DYRK3: variants seen among roughly 807,000 people sequenced by gnomAD.
DYRK3 encodes dual specificity tyrosine-phosphorylation-regulated kinase 3.
A neutral mutation model predicts 40.8 loss-of-function variants in DYRK3; 30 were observed. The observed-to-expected ratio is 0.74, with a 90% CI of 0.55 to 1.00. DYRK3 has a LOEUF of 1.00. Among genes scored for constraint, DYRK3 ranks in the 50% least tolerant of loss-of-function variants. The pLI is 0.00. For synonymous variants in DYRK3, 272 were observed against 260.7 expected (o/e 1.04, Z -0.42); for missense variants, 699 against 731.5 (o/e 0.96, Z 0.51).
In DYRK3 at chr1:206,635,660, C is replaced by A. The variant is rs1553418144; in HGVS notation, c.-44C>A. On this transcript the variant is annotated 5_prime_UTR_variant, in exon 1 of 3. Transcript: ENST00000367109. ...GGCGTAGGTGGCGTGGCCGACCGGA[C>A]CCCCAACTGGCGCCTCTCCCCGCGC... is the stretch of plus-strand genomic sequence containing the variant. 6.4e-6 allele frequency: 8 copies of A among 1,244,774 alleles called. No homozygotes were observed. The South Asian group carries it at 2.0e-4, about 31-fold the overall frequency. 77.1% of individuals were successfully genotyped at this position (1,244,774 alleles called of 1,614,324 possible). A position where few individuals can be genotyped will look rare whatever the true frequency, so the allele number is the denominator to read the frequency against.
Position 206,654,046 on chromosome 1 carries a change from A to G in DYRK3, c.*5081A>G, listed in dbSNP as rs1216554071. Among the ~76,000 whole-genome samples, 1 of 152,280 alleles carries G rather than the reference A, an allele frequency of 6.6e-6. No homozygotes were observed. Among genetic ancestry groups the G allele is most frequent in the Non-Finnish European group, 1.5e-5 (1 of 68,054 alleles). ...TGTTTTGCTTAATTCGTAACTAGGC[A>G]TAATTAAAGTTAAATGCTAAATTTT... is the stretch of plus-strand genomic sequence containing the variant. On this transcript the variant is annotated 3_prime_UTR_variant, in exon 3 of 3. Transcript: ENST00000367109.
intron 2 of DYRK3, among the ~76,000 whole-genome samples, 187 bp from the exon 3 acceptor site, chr1:206,647,201 A>T (rs1553420226): frequency 2.0e-5 from 3 of 152,228 alleles, no homozygotes; most frequent in African/African-American, 7.2e-5. Context: ...CGCAATATTC[A>T]GGGAGTCTGA....
intron 1 of DYRK3, chr1:206,636,149 T>A: frequency 4.6e-6 from 5 of 1,087,610 alleles, no homozygotes; most frequent in Non-Finnish European, 6.5e-6. Context: ...AGAAGCCCTG[T>A]TGCTTAGAGC....
rs1671613144 is a variant in DYRK3, at chr1:206,650,827, A to G, written c.*1862A>G. On this transcript the variant is annotated 3_prime_UTR_variant, in exon 3 of 3. Coordinates refer to ENST00000367109, the MANE Select transcript of DYRK3 (RefSeq NM_003582.4). ...AAATCTCTCTCATTTAAATGTCCAC[A>G]GTGGCTTTAGTCTCCCAAGTACAAG... is the stretch of plus-strand genomic sequence containing the variant. Among the ~76,000 whole-genome samples the G allele has an allele frequency of 1.3e-5, 2 of 152,246 alleles. No homozygotes were observed. Among genetic ancestry groups the G allele is most frequent in the Non-Finnish European group, 2.9e-5 (2 of 68,046 alleles).
intron 2 of DYRK3, among the ~76,000 whole-genome samples, chr1:206,640,849 C>G (rs1281821920): frequency 6.6e-6 from 1 of 152,084 alleles, no homozygotes; most frequent in Non-Finnish European, 1.5e-5. Flanking sequence ...CGTGCCTGGC[C>G]TCTCAGCAAG....
In DYRK3 at chr1:206,651,592, A is replaced by G. The variant is rs983028064; in HGVS notation, c.*2627A>G. 6.6e-6 allele frequency among the ~76,000 whole-genome samples: 1 copy of G among 152,244 alleles called. No individual in the cohort carries two copies. Among genetic ancestry groups the G allele is most frequent in the South Asian group, 2.1e-4 (1 of 4,834 alleles). The stretch of plus-strand genomic sequence containing the variant: ...AGTAGATATGAGCTTACATTGACTT[A>G]TGAATGGTTTTCCTGTAGGCCCAAC... On this transcript the variant is annotated 3_prime_UTR_variant, in exon 3 of 3. Coordinates refer to ENST00000367109, the MANE Select transcript of DYRK3 (RefSeq NM_003582.4).
intron 2 of DYRK3, among the ~76,000 whole-genome samples, chr1:206,642,671 G>T (rs1553419509): frequency 6.6e-6 from 1 of 152,026 alleles, no homozygotes; most frequent in Non-Finnish European, 1.5e-5. Context: ...GAGCAAACTT[G>T]CAAGGACAGA....
At chr1:206,635,918 GGAC>G (rs1671091331) in intron 1 of DYRK3, 138 bp downstream of exon 1, 1 of 1,300,564 alleles carries the variant, frequency 7.7e-7, no homozygotes, top group Non-Finnish European at 9.8e-7. Context: ...TGCCTCCCCG[GGAC>G]CGCCCCCACC....
rs1553420468 is a variant in DYRK3 at position 206,647,936 on chromosome 1, T to C, written c.738T>C (p.Phe246=). 6.2e-7 allele frequency: 1 copy of C among 1,613,996 alleles called. No homozygotes were observed. Among genetic ancestry groups the C allele is most frequent in the Non-Finnish European group, 8.5e-7 (1 of 1,180,014 alleles). Residue 246 remains phenylalanine (F), a synonymous_variant, in exon 3 of 3, where the codon TTT becomes TTC. Coordinates refer to ENST00000367109, the MANE Select transcript of DYRK3 (RefSeq NM_003582.4). ...AAATGGTGCGCAATGAGAAGCGCTTTCATCGTCAAGCAGCTGAGGAGATCC... is the reference window on the plus strand; with the variant it reads ...AAATGGTGCGCAATGAGAAGCGCTTCCATCGTCAAGCAGCTGAGGAGATCC... ...ALKMVRNEKR[F]HRQAAEEIRI... is the part of the protein sequence containing the mutation.
chr1:206,647,887 A>G lies in DYRK3; in HGVS notation c.689A>G (p.Lys230Arg), dbSNP rs1553420439. The change falls in exon 3 of 3, where the codon AAA becomes AGA. Residue 230 changes from lysine to arginine, a missense_variant. Lys to Arg is a conservative substitution (Grantham distance 26). Coordinates refer to ENST00000367109, the MANE Select transcript of DYRK3 (RefSeq NM_003582.4). Reference sequence around the variant, plus strand: ...CAGGTGGCCAGGGTCTATGATCACAAACTTCGACAGTACGTGGCCCTAAAA... The same window carrying G: ...CAGGTGGCCAGGGTCTATGATCACAGACTTCGACAGTACGTGGCCCTAAAA... ...FGQVARVYDHKLRQYVALKMV... is the reference protein window; with the variant it reads ...FGQVARVYDHRLRQYVALKMV... 2 of 1,614,110 alleles carry G rather than the reference A, an allele frequency of 1.2e-6. No individual in the cohort carries two copies. Among genetic ancestry groups the G allele is most frequent in the South Asian group, 2.2e-5 (2 of 91,084 alleles).
At chr1:206,643,196 C>T (rs1671339243) in intron 2 of DYRK3, among the ~76,000 whole-genome samples, 1 of 152,098 alleles carries the variant, frequency 6.6e-6, no homozygotes, top group South Asian at 2.1e-4. Context: ...AGCACAGCCC[C>T]TTTTAGGTAC....
chr1:206,648,028 G>GT lies in DYRK3; in HGVS notation c.833dup (p.Thr279HisfsTer11). ...ATGAACGTTATCCACATGCTGGAAA[G>GT]TTTCACATTCCGGAACCATGTTTGC... On this transcript the variant is annotated frameshift_variant, in exon 3 of 3. Coordinates refer to ENST00000367109, the MANE Select transcript of DYRK3 (RefSeq NM_003582.4). LOFTEE classifies it high-confidence loss of function. 6.2e-7 allele frequency: 1 copy of GT among 1,614,140 alleles called. No homozygotes were observed. The highest frequency in any genetic ancestry group is 1.3e-5 in the African/African-American group (1 of 75,016).
intron 2 of DYRK3, among the ~76,000 whole-genome samples, chr1:206,639,634 G>A (rs944821050): frequency 1.5e-4 from 23 of 151,850 alleles, no homozygotes; most frequent in African/African-American, 4.8e-4. Context: ...GCTAATTTTT[G>A]TATTTTTAGT....
intron 1 of DYRK3, 49 bp from the exon 2 acceptor site, chr1:206,637,601 C>T (rs17013271): frequency 0.39 from 503,722 of 1,297,946 alleles, 101,080 homozygotes; most frequent in South Asian, 0.42. Flanking sequence ...ACATAGGATT[C>T]TATATTCTTC....
rs782199532 is a variant in DYRK3, at chr1:206,647,682, ATAAT to A, written c.491_494del (p.Asn164IlefsTer7). ...CCTCACTGCCTATGAGAAACTGGAA[ATAAT>A]TAATTATCCAGAAATTTACTTTGTA... is the stretch of plus-strand genomic sequence containing the variant. On this transcript the variant is annotated frameshift_variant, in exon 3 of 3. Transcript: ENST00000367109. LOFTEE classifies it high-confidence loss of function. 13 of 1,614,246 alleles carry A rather than the reference ATAAT, an allele frequency of 8.1e-6. No individual in the cohort carries two copies. The South Asian group carries it at 8.8e-5, about 11-fold the overall frequency.
chr1:206,638,423 C>T (rs925701120), intron 2 of DYRK3, among the ~76,000 whole-genome samples: 36 of 151,340 alleles, frequency 2.4e-4, no homozygotes, highest in African/African-American at 8.5e-4. Flanking sequence ...ATTACAGGCG[C>T]GTGCCACCAC....
At chr1:206,640,871 T>C (rs1671269859) in intron 2 of DYRK3, among the ~76,000 whole-genome samples, 1 of 152,160 alleles carries the variant, frequency 6.6e-6, no homozygotes, top group Non-Finnish European at 1.5e-5. Flanking sequence ...TTTTTAAGAC[T>C]TGATTAATAC....
At position 206,654,399 on chromosome 1, in the gene DYRK3, C is replaced by G. The variant is rs1671701778; in HGVS notation, c.*5434C>G. Reference sequence around the variant, plus strand: ...CGTAGAGCAGCGGCAGGCATTCATGCTATGGAAAACCTGGAGTCAGTACAA... The same window carrying G: ...CGTAGAGCAGCGGCAGGCATTCATGGTATGGAAAACCTGGAGTCAGTACAA... On this transcript the variant is annotated 3_prime_UTR_variant, in exon 3 of 3. Transcript: ENST00000367109. Among the ~76,000 whole-genome samples the G allele has an allele frequency of 6.6e-6, 1 of 152,224 alleles. No individual in the cohort carries two copies. The highest frequency in any genetic ancestry group is 1.5e-5 in the Non-Finnish European group (1 of 68,048).
chr1:206,639,166 A>G (rs1170812675), intron 2 of DYRK3, among the ~76,000 whole-genome samples: 3 of 152,196 alleles, frequency 2.0e-5, no homozygotes, highest in Admixed American at 6.5e-5. Context: ...GGCGTGAGCC[A>G]CCGCACCCGG....
Sources: allele counts gnomAD v4.1 joint callset (sites outside exome capture counted in the v4.1 genomes callset), GRCh38; gene constraint gnomAD v4.1.1; transcripts MANE v1.5; gene names NCBI Gene and HGNC (gene_info 2026-07-23, HGNC 2026-07-21).